UNC13C: variants seen among roughly 807,000 people sequenced by gnomAD.
The protein encoded by UNC13C is protein unc-13 homolog C.
A neutral mutation model predicts 245.4 loss-of-function variants in UNC13C; 174 were observed. The observed-to-expected ratio is 0.71, with a 90% CI of 0.63 to 0.80. The LOEUF (loss-of-function observed/expected upper bound fraction) is 0.80, where lower values mean the gene tolerates loss of function less well. Ranked by LOEUF, UNC13C falls within the 30% of genes least tolerant of loss-of-function variation. The pLI is 0.00. For synonymous variants in UNC13C, 992 were observed against 895.1 expected, an observed-to-expected ratio of 1.11 and a Z score of -1.93; for missense variants, 2,829 against 2,602.9, an observed-to-expected ratio of 1.09 and a Z score of -1.89.
At chr15:54,553,041 T>C (rs1896906721) in intron 28 of UNC13C, among the ~76,000 whole-genome samples, 1 of 101,212 alleles carries the variant, frequency 9.9e-6, no homozygotes, top group East Asian at 2.9e-4. Flanking sequence ...ATATAATATA[T>C]ATTGTATTCT....
At chr15:54,190,023 A>G (rs1044482784) in intron 4 of UNC13C, among the ~76,000 whole-genome samples, 1 of 152,200 alleles carries the variant, frequency 6.6e-6, no homozygotes, top group Admixed American at 6.5e-5. Context: ...GACTAAACTG[A>G]TTCTACAAAA....
chr15:54,027,266 G>A (rs987889471), intron 2 of UNC13C, among the ~76,000 whole-genome samples: 2 of 151,994 alleles, frequency 1.3e-5, no homozygotes, highest in African/African-American at 4.8e-5. Context: ...TGAATTTTTC[G>A]GAGATTTTAT....
chr15:54,301,364 G>T (rs1266645406), intron 13 of UNC13C, among the ~76,000 whole-genome samples: 1 of 148,874 alleles, frequency 6.7e-6, no homozygotes, highest in African/African-American at 2.5e-5. Context: ...AGGTATACAT[G>T]CGCCATGGTG....
intron 30 of UNC13C, among the ~76,000 whole-genome samples, chr15:54,574,012 C>A (rs546950043): frequency 6.6e-6 from 1 of 152,154 alleles, no homozygotes; most frequent in African/African-American, 2.4e-5. Flanking sequence ...CAGGAAAGTA[C>A]GTACTTGCGC....
At chr15:54,242,862 C>A (rs1213885484) in intron 7 of UNC13C, among the ~76,000 whole-genome samples, 1 of 152,026 alleles carries the variant, frequency 6.6e-6, no homozygotes, top group Non-Finnish European at 1.5e-5. Flanking sequence ...TCCATGGTTC[C>A]CTGACTGACT....
chr15:54,573,939 A>G (rs1897857861), intron 30 of UNC13C, among the ~76,000 whole-genome samples: 1 of 152,196 alleles, frequency 6.6e-6, no homozygotes. Context: ...GCAGAGAGGT[A>G]GGTGAGTATA....
intron 10 of UNC13C, among the ~76,000 whole-genome samples, chr15:54,290,371 T>C (rs1273183007): frequency 6.6e-6 from 1 of 151,858 alleles, no homozygotes; most frequent in Non-Finnish European, 1.5e-5. Context: ...CTTCTGTAAA[T>C]CTAAAATTAT....
chr15:54,615,768 C>A (rs1255115342), intron 30 of UNC13C, among the ~76,000 whole-genome samples: 1 of 152,006 alleles, frequency 6.6e-6, no homozygotes, highest in African/African-American at 2.4e-5. Flanking sequence ...TGGCCAAATC[C>A]ACATGCTACC....
At chr15:54,337,081 T>C (rs2038596456) in intron 16 of UNC13C, among the ~76,000 whole-genome samples, 1 of 152,184 alleles carries the variant, frequency 6.6e-6, no homozygotes, top group Non-Finnish European at 1.5e-5. Context: ...TTTTACTCTC[T>C]CACTTCACCA....
intron 30 of UNC13C, among the ~76,000 whole-genome samples, chr15:54,596,021 A>G (rs753403687): frequency 6.6e-6 from 1 of 152,028 alleles, no homozygotes; most frequent in Non-Finnish European, 1.5e-5. Context: ...CTTCAATAGG[A>G]GTTTTGGTTG....
the UNC13C span, among the ~76,000 whole-genome samples, chr15:53,959,154 C>G: frequency 6.6e-6 from 1 of 152,136 alleles, no homozygotes; most frequent in Non-Finnish European, 1.5e-5. Flanking sequence ...GAATAATTTA[C>G]TGTGTATATA....
At chr15:54,321,813 A>T (rs1388875647) in intron 13 of UNC13C, 126 bp from the exon 14 acceptor site, 1 of 975,738 alleles carries the variant, frequency 1.0e-6, no homozygotes, top group Non-Finnish European at 1.5e-6. Context: ...TCAATTAGAG[A>T]TTGTGCAGTT....
the UNC13C span, among the ~76,000 whole-genome samples, chr15:53,945,421 A>G: frequency 2.0e-5 from 3 of 152,022 alleles, no homozygotes; most frequent in Non-Finnish European, 4.4e-5. Flanking sequence ...ATTTTTATAT[A>G]TAATATAAAG....
chr15:54,490,254 A>C (rs2141080576), intron 19 of UNC13C, among the ~76,000 whole-genome samples: 1 of 152,346 alleles, frequency 6.6e-6, no homozygotes, highest in Non-Finnish European at 1.5e-5. Flanking sequence ...GATAAGAATA[A>C]AACTAGTTTT....
At chr15:54,077,336 C>T (rs769319396) in intron 2 of UNC13C, among the ~76,000 whole-genome samples, 1 of 142,156 alleles carries the variant, frequency 7.0e-6, no homozygotes, top group Non-Finnish European at 1.5e-5. Context: ...CTTAAAACAT[C>T]TATTTCTTTT....
chr15:54,350,559 T>A (rs2038960203), intron 17 of UNC13C, among the ~76,000 whole-genome samples: 1 of 152,206 alleles, frequency 6.6e-6, no homozygotes, highest in Admixed American at 6.5e-5. Context: ...TCTAAAGGTC[T>A]GCAGTAAAAT....
chr15:54,610,321 C>T (rs1053336028), intron 30 of UNC13C, among the ~76,000 whole-genome samples: 4 of 151,934 alleles, frequency 2.6e-5, no homozygotes, highest in South Asian at 4.1e-4. Context: ...CTTCAGCCTC[C>T]GCCTTCCGGG....
chr15:54,433,952 A>C (rs1256728969), intron 19 of UNC13C, among the ~76,000 whole-genome samples: 2 of 152,156 alleles, frequency 1.3e-5, no homozygotes, highest in African/African-American at 2.4e-5. Context: ...ACAAGTAGAG[A>C]GCCAAGTCAT....
intron 19 of UNC13C, among the ~76,000 whole-genome samples, chr15:54,491,732 G>A (rs920052590): frequency 1.3e-5 from 2 of 152,240 alleles, no homozygotes; most frequent in African/African-American, 4.8e-5. Context: ...GCCGGGCACG[G>A]TGGCTCACGC....
Sources: allele counts gnomAD v4.1 joint callset (sites outside exome capture counted in the v4.1 genomes callset), GRCh38; gene constraint gnomAD v4.1.1; transcripts MANE v1.5; gene names NCBI Gene and HGNC (gene_info 2026-07-23, HGNC 2026-07-21).